The following SGSH variants were observed in gnomAD, a reference collection of about 807,000 sequenced individuals.
SGSH encodes heparan sulfate sulfatase.
A neutral mutation model predicts 51.0 loss-of-function variants in SGSH; 48 were observed. That is an observed-to-expected ratio of 0.94 (90% CI 0.75 to 1.20). SGSH has a LOEUF of 1.20. Among genes scored for constraint, SGSH ranks in the 50% most tolerant of loss-of-function variants. The pLI, the probability that SGSH is intolerant of heterozygous loss-of-function variation, is 0.00. For missense variants in SGSH, 662 were observed against 717.8 expected (o/e 0.92, Z 0.89); for synonymous variants, 321 against 313.4 (o/e 1.02, Z -0.26).
downstream of SGSH, chr17:80,205,352 C>A: frequency 8.6e-7 from 1 of 1,158,120 alleles, no homozygotes; most frequent in Non-Finnish European, 1.2e-6. Flanking sequence ...CCAGATAGTT[C>A]AGGATGGAGG....
In SGSH at chr17:80,217,145, C is replaced by T. The variant is rs772636496; in HGVS notation, c.136G>A (p.Ala46Thr). 14 of 1,600,002 alleles carry T rather than the reference C, an allele frequency of 8.7e-6. No homozygotes were observed. Among genetic ancestry groups the T allele is most frequent in the South Asian group, 4.5e-5 (4 of 89,136 alleles). Reference sequence around the variant, plus strand: ...GCCAAGGCGTCCAGGTGCGGGGTGGCGATGGCGCTGTTGTTGTACGCGCCA... The same window carrying T: ...GCCAAGGCGTCCAGGTGCGGGGTGGTGATGGCGCTGTTGTTGTACGCGCCA... ...ESGAYNNSAI[A>T]TPHLDALARR... The change falls in exon 2 of 8, where the codon GCC (alanine) becomes ACC (threonine). Residue 46 changes from alanine (A) to threonine (T), a missense_variant. Transcript: ENST00000326317.
downstream of SGSH, chr17:80,208,218 C>T (rs1176488460): frequency 6.4e-6 from 10 of 1,561,348 alleles, no homozygotes; most frequent in African/African-American, 1.3e-5. Context: ...CTGGACCGGG[C>T]GCCCTGTCTA....
chr17:80,219,544 C>T (rs1258776970), intron 1 of SGSH, among the ~76,000 whole-genome samples: 6 of 152,164 alleles, frequency 3.9e-5, no homozygotes, highest in East Asian at 1.9e-4. Flanking sequence ...TACAGTGAGC[C>T]GAACCCCCGC....
downstream of SGSH, chr17:80,201,918 ATGACCCT>A (rs2040998584): frequency 1.9e-6 from 3 of 1,565,952 alleles, no homozygotes; most frequent in Admixed American, 1.8e-5. This position sits in a 1 kb window ranked among gnomAD's most constrained non-coding sequence, Gnocchi z 5.0. Flanking sequence ...GCCAGACTCC[ATGACCCT>A]TAAGTCCCTG....
chr17:80,215,910 G>A (rs575474066), intron 2 of SGSH, among the ~76,000 whole-genome samples: 4 of 152,354 alleles, frequency 2.6e-5, no homozygotes, highest in African/African-American at 7.2e-5. Context: ...GGATGAATAT[G>A]GAGAAGCAAA....
intron 1 of SGSH, 29 bp from the exon 2 acceptor site, chr17:80,217,221 C>T (rs768714527): frequency 1.2e-5 from 19 of 1,582,432 alleles, no homozygotes; most frequent in African/African-American, 6.7e-5. Flanking sequence ...AGAGAGTGCA[C>T]GGTCGGCTGC....
Position 80,215,103 on chromosome 17 carries a change from C to A in SGSH, c.285G>T (p.Val95=). ...QNGMYGLHQD[V]HHFNSFDKVR... is the part of the protein sequence containing the mutation. ...CCTTGTCGAAGGAGTTGAAGTGGTG[C>A]ACGTCCTGGTGCAGCCCGTACATCC... The change falls in exon 3 of 8, where the codon GTG becomes GTT. Residue 95 remains valine, a synonymous_variant. Transcript: ENST00000326317. The A allele has an allele frequency of 7.4e-6, 12 of 1,612,282 alleles. No homozygotes were observed. Among genetic ancestry groups the A allele is most frequent in the Non-Finnish European group, 1.0e-5 (12 of 1,179,958 alleles).
rs756541046 is a variant in SGSH at position 80,210,427 on chromosome 17, T to C, written c.*25A>G. ...GGATGTGTCTGGGACATGCCTGGGA[T>C]GTGTGCACAGGCCTCCTGGGATGGT... is the stretch of plus-strand genomic sequence containing the variant. On this transcript the variant is annotated 3_prime_UTR_variant, in exon 8 of 8. Coordinates refer to ENST00000326317, the MANE Select transcript of SGSH (RefSeq NM_000199.5). The C allele has an allele frequency of 6.4e-7, 1 of 1,571,900 alleles. No homozygotes were observed. The highest frequency in any genetic ancestry group is 2.3e-5 in the East Asian group (1 of 43,860).
chr17:80,210,899 G>A lies in SGSH; in HGVS notation c.1062C>T (p.Ala354=), dbSNP rs150750383. 151 of 1,611,542 alleles carry A rather than the reference G, an allele frequency of 9.4e-5. No homozygotes were observed. The highest frequency in any genetic ancestry group is 3.3e-4 in the Middle Eastern group (2 of 6,084). The change falls in exon 8 of 8, where the codon GCC becomes GCT. Residue 354 remains alanine (A), a synonymous_variant. Transcript: ENST00000326317. The stretch of plus-strand genomic sequence containing the variant: ...CAAAGACGGTGGCCCAGAGGGGCTC[G>A]GCCTCCAGCGCCGGCAGGAGGGACC... ...TGRSLLPALE[A]EPLWATVFGS...
downstream of SGSH, chr17:80,203,318 G>A (rs1452481112): frequency 6.5e-6 from 1 of 153,904 alleles, no homozygotes; most frequent in Non-Finnish European, 1.4e-5. This position sits in a 1 kb window ranked among gnomAD's most constrained non-coding sequence, Gnocchi z 4.6. Context: ...TCAGCCTATG[G>A]GAGGCTCCAA....
At chr17:80,208,999 CCT>C (rs1016907203), downstream of SGSH, 33 of 152,432 alleles carry the variant, frequency 2.2e-4, no homozygotes, top group Admixed American at 1.8e-3. Flanking sequence ...CCCCGTGGCC[CCT>C]GTGCCTGTTC....
downstream of SGSH, chr17:80,205,338 G>A: frequency 8.6e-7 from 1 of 1,159,378 alleles, no homozygotes; most frequent in Non-Finnish European, 1.2e-6. Flanking sequence ...CTCACCTGCT[G>A]TGTCCAGATA....
At chr17:80,205,347 T>A, downstream of SGSH, 1 of 1,139,290 alleles carries the variant, frequency 8.8e-7, no homozygotes, top group Non-Finnish European at 1.2e-6. Context: ...TGTGTCCAGA[T>A]AGTTCAGGAT....
downstream of SGSH, chr17:80,208,405 T>C (rs561289674): frequency 6.6e-4 from 936 of 1,427,344 alleles, 5 homozygotes; most frequent in African/African-American, 0.012. Flanking sequence ...TGCAGTCCTG[T>C]TCCTCAGCCC....
chr17:80,207,062 C>T (rs140536892), downstream of SGSH: 48 of 1,613,720 alleles, frequency 3.0e-5, no homozygotes, highest in Middle Eastern at 8.2e-4. Flanking sequence ...TCTCTGTCAA[C>T]GAGAAGATGG....
chr17:80,216,934 C>G (rs1395025551), intron 2 of SGSH, 98 bp downstream of exon 2: 6 of 1,243,358 alleles, frequency 4.8e-6, no homozygotes, highest in Non-Finnish European at 6.7e-6. Flanking sequence ...GCAACACCCC[C>G]CGGGATCCCA....
downstream of SGSH, among the ~76,000 whole-genome samples, chr17:80,207,273 G>A (rs904420586): frequency 5.9e-5 from 9 of 152,168 alleles, no homozygotes; most frequent in East Asian, 1.2e-3. Flanking sequence ...GATTTTGGCC[G>A]GGCGTGGTGG....
At position 80,210,240 on chromosome 17, in the gene SGSH, G is replaced by T; in HGVS notation, c.*212C>A. 7.0e-7 allele frequency: 1 copy of T among 1,424,878 alleles called. No homozygotes were observed. Among genetic ancestry groups the T allele is most frequent in the Non-Finnish European group, 9.1e-7 (1 of 1,093,638 alleles). The allele number at this position is 1,424,878 out of a possible 1,614,324, so 88.3% of individuals were successfully genotyped here. On this transcript the variant is annotated 3_prime_UTR_variant, in exon 8 of 8. Coordinates refer to ENST00000326317, the MANE Select transcript of SGSH (RefSeq NM_000199.5). ...CTGCCATGACGGCAGTGCCCCTGGTGGTGGAGGGGCTGGGCACATGCTCTG... is the reference window on the plus strand; with the variant it reads ...CTGCCATGACGGCAGTGCCCCTGGTTGTGGAGGGGCTGGGCACATGCTCTG...
At chr17:80,215,187 C>G (rs745581201) in intron 2 of SGSH, 49 bp from the exon 3 acceptor site, 2 of 1,383,104 alleles carry the variant, frequency 1.4e-6, no homozygotes, top group South Asian at 1.2e-5. Context: ...AGCCAGAGCC[C>G]GCCTGCCGCA....
Sources: gnomAD v4.1 joint callset for allele counts (sites outside exome capture counted in the v4.1 genomes callset) on GRCh38, gnomAD v4.1.1 for gene constraint, Gnocchi (gnomAD v3.1) non-coding constraint, MANE v1.5 for transcripts, NCBI Gene and HGNC (gene_info 2026-07-23, HGNC 2026-07-21) for gene names.